Variants in GPC3 observed in about 807,000 individuals in gnomAD.
The protein encoded by GPC3 is glypican-3.
GPC3 carries 3 observed loss-of-function variants against 34.4 expected under a neutral mutation model. The ratio of observed to expected loss-of-function variants is 0.09; its 90% CI spans 0.04 to 0.23. The LOEUF (loss-of-function observed/expected upper bound fraction) is 0.23, where lower values mean the gene tolerates loss of function less well. GPC3 is among the 10% of genes least tolerant of loss of function. The pLI is 1.00. For missense variants in GPC3, 351 were observed against 445.6 expected, an observed-to-expected ratio of 0.79 and a Z score of 1.91; for synonymous variants, 177 against 174.0, an observed-to-expected ratio of 1.02 and a Z score of -0.13.
intron 2 of GPC3, among the ~76,000 whole-genome samples, chrX:133,812,391 G>A (rs1388701836): frequency 8.9e-6 from 1 of 111,925 alleles, no homozygotes; most frequent in African/African-American, 3.3e-5. Context: ...GTTGATTCAG[G>A]CTATGTATAC....
intron 2 of GPC3, among the ~76,000 whole-genome samples, chrX:133,944,843 CTTCACAG>C (rs1389457675): frequency 9.0e-6 from 1 of 111,627 alleles, no homozygotes; most frequent in Non-Finnish European, 1.9e-5. Flanking sequence ...GAGCTGAGTT[CTTCACAG>C]CACTCATCTG....
chrX:133,657,936 G>GAGAGAGAGAGAGAGAGA (rs59330472), intron 6 of GPC3, among the ~76,000 whole-genome samples: 2 of 105,959 alleles, frequency 1.9e-5, no homozygotes, highest in African/African-American at 7.1e-5. Flanking sequence ...GAGAGAGAGA[G>GAGAGAGAGAGAGAGAGA]GAGAAGTATT....
chrX:133,874,103 T>C (rs2076005650), intron 2 of GPC3, among the ~76,000 whole-genome samples: 1 of 111,851 alleles, frequency 8.9e-6, no homozygotes, highest in Non-Finnish European at 1.9e-5. Flanking sequence ...TCTTCCTTCT[T>C]GTAAGTCTAA....
At chrX:133,639,075 A>G (rs2070457572) in intron 6 of GPC3, among the ~76,000 whole-genome samples, 2 of 111,358 alleles carry the variant, frequency 1.8e-5, no homozygotes, top group South Asian at 7.6e-4. Context: ...TTCACCGCAC[A>G]CATCTCGCTA....
chrX:133,877,226 A>T (rs771052443), intron 2 of GPC3, among the ~76,000 whole-genome samples: 15 of 111,748 alleles, frequency 1.3e-4, no homozygotes, highest in African/African-American at 4.9e-4. Context: ...TAATAATAAT[A>T]ATAGAGGTAA....
At position 133,980,862 on chromosome X, in the gene GPC3, C is replaced by T. The variant is rs181317750; in HGVS notation, c.175+4413G>A. Among the ~76,000 whole-genome samples the T allele has an allele frequency of 2.7e-4, 30 of 112,001 alleles. No homozygotes were observed. In the East Asian group the frequency reaches 4.5e-3, roughly 17 times the overall value. ...CTTTTCCCCCAGATCAGTAATAAGC[C>T]GCCTTTTTCTAGGCTACAGTGAACA... On this transcript the variant is annotated intron_variant, in intron 1 of 7. Coordinates refer to ENST00000370818, the MANE Select transcript of GPC3 (RefSeq NM_004484.4).
intron 2 of GPC3, among the ~76,000 whole-genome samples, chrX:133,893,211 C>T (rs771525501): frequency 4.5e-5 from 5 of 111,300 alleles, no homozygotes; most frequent in East Asian, 5.7e-4. Context: ...GAGCCGAGGT[C>T]GCACCATTGC....
intron 2 of GPC3, among the ~76,000 whole-genome samples, chrX:133,766,121 TG>T (rs981504198): frequency 1.8e-5 from 2 of 111,917 alleles, no homozygotes; most frequent in African/African-American, 6.5e-5. Context: ...TCTAAAGATG[TG>T]TCCAATACAA....
chrX:133,631,792 G>GTT (rs1199402578), intron 6 of GPC3, among the ~76,000 whole-genome samples: 4 of 108,735 alleles, frequency 3.7e-5, no homozygotes, highest in Non-Finnish European at 5.7e-5. Context: ...TTCTGTTGTT[G>GTT]TTTTTTTTTA....
At chrX:133,555,073 AAG>A (rs2069475053) in intron 7 of GPC3, among the ~76,000 whole-genome samples, 1 of 111,850 alleles carries the variant, frequency 8.9e-6, no homozygotes, top group African/African-American at 3.2e-5. Context: ...TTTTTTGAGA[AAG>A]AGTCTTACTC....
chrX:133,684,493 G>T (rs781383851), intron 5 of GPC3, among the ~76,000 whole-genome samples: 67 of 111,813 alleles, frequency 6.0e-4, no homozygotes, highest in African/African-American at 2.0e-3. Context: ...CCTTCAGCAT[G>T]ACTTTAGTCT....
chrX:133,811,336 G>A (rs1434095126), intron 2 of GPC3, among the ~76,000 whole-genome samples: 1 of 112,037 alleles, frequency 8.9e-6, no homozygotes, highest in Non-Finnish European at 1.9e-5. Flanking sequence ...TAAGAAACAA[G>A]GTTGAGTAGG....
intron 5 of GPC3, among the ~76,000 whole-genome samples, chrX:133,684,381 G>T (rs1401363549): frequency 9.0e-6 from 1 of 111,565 alleles, no homozygotes; most frequent in Non-Finnish European, 1.9e-5. Context: ...GGCAAAGGAA[G>T]AACTAGCTAT....
chrX:133,899,658 G>C (rs999779923), intron 2 of GPC3, among the ~76,000 whole-genome samples: 10 of 111,144 alleles, frequency 9.0e-5, no homozygotes, highest in African/African-American at 3.3e-4. Flanking sequence ...GAAGTCTACA[G>C]CTCAAGGAAT....
At chrX:133,732,925 G>A (rs1220414223) in intron 3 of GPC3, among the ~76,000 whole-genome samples, 2 of 110,653 alleles carry the variant, frequency 1.8e-5, no homozygotes, top group African/African-American at 6.6e-5. Flanking sequence ...GCAGTGCAGT[G>A]GCACAATCGG....
intron 7 of GPC3, among the ~76,000 whole-genome samples, chrX:133,558,328 T>C (rs936090777): frequency 9.4e-5 from 10 of 105,852 alleles, no homozygotes; most frequent in Admixed American, 2.1e-4. Context: ...ATTTTTCTCA[T>C]GCTTTGGCCA....
chrX:133,913,926 A>G (rs1002565320), intron 2 of GPC3, among the ~76,000 whole-genome samples: 5 of 106,440 alleles, frequency 4.7e-5, no homozygotes, highest in African/African-American at 6.8e-5. Flanking sequence ...GTTAAAGAGA[A>G]AAAAAAAAAA....
intron 3 of GPC3, among the ~76,000 whole-genome samples, chrX:133,738,995 A>G (rs2071537691): frequency 8.9e-6 from 1 of 112,079 alleles, no homozygotes; most frequent in African/African-American, 3.2e-5. Flanking sequence ...CTTCAGTAGG[A>G]AAGGGTGGAG....
At chrX:133,983,842 A>G (rs2124654454) in intron 1 of GPC3, among the ~76,000 whole-genome samples, 1 of 111,973 alleles carries the variant, frequency 8.9e-6, no homozygotes, top group East Asian at 2.8e-4. Context: ...AACACTTAAC[A>G]GGGGATGAGG....
Sources: allele counts gnomAD v4.1 joint callset (sites outside exome capture counted in the v4.1 genomes callset), GRCh38; gene constraint gnomAD v4.1.1; transcripts MANE v1.5; gene names NCBI Gene and HGNC (gene_info 2026-07-23, HGNC 2026-07-21).